PTPRD: variants seen among roughly 807,000 people sequenced by gnomAD.
PTPRD encodes the protein receptor-type tyrosine-protein phosphatase delta.
Under a neutral mutation model 214.5 loss-of-function variants are expected in PTPRD, and 34 were observed. The ratio of observed to expected loss-of-function variants is 0.16; its 90% CI spans 0.12 to 0.21. The LOEUF is 0.21. PTPRD is among the 10% of genes least tolerant of loss of function. The pLI is 1.00. For missense variants in PTPRD, 2,545 were observed against 2,398.7 expected, an observed-to-expected ratio of 1.06 and a Z score of -1.27; for synonymous variants, 1,128 against 845.7, an observed-to-expected ratio of 1.33 and a Z score of -5.79.
intron 4 of PTPRD, among the ~76,000 whole-genome samples, chr9:9,993,658 G>A (rs2096025421): frequency 6.6e-6 from 1 of 152,142 alleles, no homozygotes; most frequent in Admixed American, 6.6e-5. Context: ...TTTGTGATTA[G>A]CAGAGGTATC....
intron 14 of PTPRD, among the ~76,000 whole-genome samples, chr9:8,583,486 G>C (rs1174618957): frequency 6.6e-6 from 1 of 151,936 alleles, no homozygotes; most frequent in Non-Finnish European, 1.5e-5. Context: ...CGCATGGCTG[G>C]ATAATTTATT....
chr9:9,953,013 G>T (rs1296943049), intron 4 of PTPRD, among the ~76,000 whole-genome samples: 1 of 152,160 alleles, frequency 6.6e-6, no homozygotes, highest in Non-Finnish European at 1.5e-5. Flanking sequence ...TCCTATGCAA[G>T]AATGAATTTT....
intron 11 of PTPRD, among the ~76,000 whole-genome samples, chr9:8,801,332 C>G (rs770283851): frequency 6.6e-6 from 1 of 152,124 alleles, no homozygotes; most frequent in African/African-American, 2.4e-5. Flanking sequence ...AAAAATGGAG[C>G]TTAGATATTT....
chr9:10,271,103 C>G (rs1332317437), intron 3 of PTPRD, among the ~76,000 whole-genome samples: 1 of 152,020 alleles, frequency 6.6e-6, no homozygotes, highest in Non-Finnish European at 1.5e-5. Flanking sequence ...AAATTACAGA[C>G]CTGAACCATG....
At chr9:9,714,362 T>A (rs1386626040) in intron 7 of PTPRD, among the ~76,000 whole-genome samples, 3 of 152,200 alleles carry the variant, frequency 2.0e-5, no homozygotes, top group Admixed American at 6.5e-5. Flanking sequence ...AAGGATTGAC[T>A]TGGCTTCTGT....
chr9:9,069,425 G>A (rs1433925214), intron 10 of PTPRD, among the ~76,000 whole-genome samples: 1 of 152,172 alleles, frequency 6.6e-6, no homozygotes, highest in Admixed American at 6.5e-5. Flanking sequence ...TGGGAAGAGA[G>A]AAAAGTGGTT....
chr9:10,395,857 A>G (rs182379538), intron 2 of PTPRD, among the ~76,000 whole-genome samples: 4 of 152,012 alleles, frequency 2.6e-5, no homozygotes, highest in Non-Finnish European at 5.9e-5. Flanking sequence ...AGAATAAATG[A>G]ATTGTTTGTT....
intron 33 of PTPRD, 70 bp downstream of exon 33, chr9:8,460,341 A>G: frequency 6.4e-7 from 1 of 1,568,448 alleles, no homozygotes; most frequent in East Asian, 2.2e-5. Context: ...TAAGGACAGC[A>G]GAACAATGAT....
intron 2 of PTPRD, among the ~76,000 whole-genome samples, chr9:10,505,501 A>C (rs1566588828): frequency 6.6e-6 from 1 of 152,188 alleles, no homozygotes; most frequent in Admixed American, 6.5e-5. Context: ...CTCACCTGTC[A>C]ACAGTGGGTA....
chr9:8,447,130 T>C (rs182786685), intron 34 of PTPRD, among the ~76,000 whole-genome samples: 102 of 152,350 alleles, frequency 6.7e-4, no homozygotes, highest in African/African-American at 2.0e-3. Flanking sequence ...AAGGGCATAA[T>C]GTACTGCTTC....
intron 14 of PTPRD, among the ~76,000 whole-genome samples, chr9:8,557,745 T>TAAAAAAA (rs752836520): frequency 2.1e-5 from 1 of 46,766 alleles, no homozygotes. Context: ...TGTCTCTCAA[T>TAAAAAAA]AAAAAAAAAA....
At chr9:10,016,862 G>A (rs928607020) in intron 4 of PTPRD, among the ~76,000 whole-genome samples, 19 of 151,920 alleles carry the variant, frequency 1.3e-4, no homozygotes, top group Non-Finnish European at 1.9e-4. Context: ...ACAGGGTCTC[G>A]CTATGTTTCC....
intron 2 of PTPRD, among the ~76,000 whole-genome samples, chr9:10,425,293 G>A (rs1429786176): frequency 6.6e-6 from 1 of 151,898 alleles, no homozygotes; most frequent in Middle Eastern, 3.2e-3. Flanking sequence ...ATCCAATAAT[G>A]TTTCAGCCTC....
intron 3 of PTPRD, among the ~76,000 whole-genome samples, chr9:10,117,774 C>A (rs1197860438): frequency 6.6e-6 from 1 of 151,750 alleles, no homozygotes; most frequent in Admixed American, 6.6e-5. Context: ...CAATTCATGT[C>A]AGAAGATTAA....
intron 10 of PTPRD, among the ~76,000 whole-genome samples, chr9:9,034,479 T>C (rs1472889873): frequency 6.6e-6 from 1 of 152,186 alleles, no homozygotes; most frequent in East Asian, 1.9e-4. Flanking sequence ...AATGAAACTA[T>C]GCAAAACAAC....
chr9:8,483,239 A>G (rs2096924707), intron 30 of PTPRD, among the ~76,000 whole-genome samples: 1 of 152,048 alleles, frequency 6.6e-6, no homozygotes, highest in South Asian at 2.1e-4. Context: ...GAAAACTTGA[A>G]TTTTCTAATG....
At chr9:9,811,692 G>C (rs963998276) in intron 5 of PTPRD, among the ~76,000 whole-genome samples, 12 of 152,152 alleles carry the variant, frequency 7.9e-5, no homozygotes, top group Non-Finnish European at 1.6e-4. Context: ...GGGTGACAGA[G>C]CGAGACTCCA....
At chr9:8,852,532 G>T (rs1297105310) in intron 11 of PTPRD, among the ~76,000 whole-genome samples, 4 of 152,234 alleles carry the variant, frequency 2.6e-5, no homozygotes, top group African/African-American at 4.8e-5. Context: ...CGTAAAAGCA[G>T]CCATTTACAA....
intron 11 of PTPRD, among the ~76,000 whole-genome samples, chr9:8,895,959 G>A (rs1198470232): frequency 3.9e-5 from 6 of 152,292 alleles, no homozygotes; most frequent in Non-Finnish European, 4.4e-5. Context: ...GCCCCCTGTA[G>A]TTTGCTCTTG....
Sources: gnomAD v4.1 joint callset for allele counts (sites outside exome capture counted in the v4.1 genomes callset) on GRCh38, gnomAD v4.1.1 for gene constraint, MANE v1.5 for transcripts, NCBI Gene and HGNC (gene_info 2026-07-23, HGNC 2026-07-21) for gene names.